OSBPL3: variants seen among roughly 807,000 people sequenced by gnomAD.
The protein encoded by OSBPL3 is oxysterol binding protein like 3.
In OSBPL3, 65 loss-of-function variants were observed where a neutral mutation model predicts 120.1. The observed-to-expected ratio is 0.54, with a 90% CI of 0.44 to 0.67. The LOEUF (loss-of-function observed/expected upper bound fraction) is 0.67. OSBPL3 is among the 30% of genes least tolerant of loss of function. OSBPL3 has a pLI of 0.00. For missense variants in OSBPL3, 1,004 were observed against 1,082.1 expected, an observed-to-expected ratio of 0.93 and a Z score of 1.01; for synonymous variants, 416 against 402.6, an observed-to-expected ratio of 1.03 and a Z score of -0.40.
chr7:24,809,732 T>A, intron 20 of OSBPL3, 75 bp downstream of exon 20: 1 of 1,405,264 alleles, frequency 7.1e-7, no homozygotes, highest in Non-Finnish European at 1.0e-6. Context: ...ACTACTCCTG[T>A]CCTCTGTGGC....
chr7:24,976,417 G>A (rs1817595808), intron 1 of OSBPL3, among the ~76,000 whole-genome samples: 1 of 152,152 alleles, frequency 6.6e-6, no homozygotes, highest in African/African-American at 2.4e-5. Flanking sequence ...AGGACAGAGT[G>A]CATAAGTCCC....
intron 2 of OSBPL3, among the ~76,000 whole-genome samples, chr7:24,887,320 T>G (rs1804671457): frequency 6.6e-6 from 1 of 152,316 alleles, no homozygotes; most frequent in East Asian, 1.9e-4. Context: ...GATTCCTCTA[T>G]GGTGAAGACA....
In OSBPL3 at chr7:24,872,485, G is replaced by T. The variant is rs1377956313; in HGVS notation, c.97-416C>A. Among the ~76,000 whole-genome samples the T allele has an allele frequency of 6.6e-6, 1 of 150,446 alleles. No individual in the cohort carries two copies. Among genetic ancestry groups the T allele is most frequent in the Admixed American group, 6.6e-5 (1 of 15,040 alleles). On this transcript the variant is annotated intron_variant, in intron 2 of 22. Transcript: ENST00000313367. This position sits in a 1 kb window ranked among gnomAD's most constrained non-coding sequence, Gnocchi z 4.1. ...TGTGTGTGTGTGTGTGTGTGTGTGT[G>T]TGGTGTTGGGGGAAGGAAGTTGGTT...
In OSBPL3 at chr7:24,809,836, C is replaced by G; in HGVS notation, c.2288G>C (p.Gly763Ala). ...KWHESIYCGGGSSSACVWRAN... is the reference protein window; with the variant it reads ...KWHESIYCGGASSSACVWRAN... Reference sequence around the variant, plus strand: ...TCTCCATACACAGGCAGAAGAGGAGCCGCCGCCACAGTAGATGCTTTCATG... The same window carrying G: ...TCTCCATACACAGGCAGAAGAGGAGGCGCCGCCACAGTAGATGCTTTCATG... Residue 763 changes from glycine (G) to alanine (A), a missense_variant, in exon 20 of 23, where the codon GGC (glycine) becomes GCC (alanine). Physicochemically the swap from Gly to Ala is moderately conservative, Grantham distance 60 (BLOSUM62 0). Around this residue, in one of 4 missense-constraint regions of OSBPL3, gnomAD observed 473 missense variants for 568.0 expected, o/e 0.83. Transcript: ENST00000313367. 1 of 1,614,146 alleles carries G rather than the reference C, an allele frequency of 6.2e-7. No homozygotes were observed. The highest frequency in any genetic ancestry group is 8.5e-7 in the Non-Finnish European group (1 of 1,180,000).
At chr7:24,825,524 T>C (rs1402024316) in intron 16 of OSBPL3, among the ~76,000 whole-genome samples, 1 of 152,220 alleles carries the variant, frequency 6.6e-6, no homozygotes, top group Non-Finnish European at 1.5e-5. Context: ...GACCTAGAAA[T>C]GGAGAAAACC....
rs893350232 is a variant in OSBPL3, at chr7:24,818,069, G to A, written c.1949-1381C>T. On this transcript the variant is annotated intron_variant, in intron 17 of 22. Transcript: ENST00000313367. The surrounding 1 kb of genome is among the most constrained non-coding windows in gnomAD (Gnocchi z 4.0). Reference sequence around the variant, plus strand: ...GGTCTGGGACCAGCGAGCACAGTGGGCCTCATATTGTTTAATCCTATTTAT... The same window carrying A: ...GGTCTGGGACCAGCGAGCACAGTGGACCTCATATTGTTTAATCCTATTTAT... Among the ~76,000 whole-genome samples, 1 of 152,156 alleles carries A rather than the reference G, an allele frequency of 6.6e-6. No homozygotes were observed. The highest frequency in any genetic ancestry group is 1.5e-5 in the Non-Finnish European group (1 of 68,036).
In OSBPL3 at chr7:24,834,513, C is replaced by T. The variant is rs775214065; in HGVS notation, c.1719G>A (p.Ala573=). The change falls in exon 15 of 23, where the codon GCG becomes GCA. Residue 573 remains alanine, a synonymous_variant. Coordinates refer to ENST00000313367, the MANE Select transcript of OSBPL3 (RefSeq NM_015550.4). This position sits in a 1 kb window ranked among gnomAD's most constrained non-coding sequence, Gnocchi z 5.2. ...TCCTTTCCAGGGGGCTGGGAATCTG[C>T]GCGGCCTTGTCCAGGAGCTCGCTGT... ...LEYSELLDKA[A]QIPSPLERMV... is the part of the protein sequence containing the mutation. 26 of 1,612,808 alleles carry T rather than the reference C, an allele frequency of 1.6e-5. No individual in the cohort carries two copies. The highest frequency in any genetic ancestry group is 2.0e-5 in the Non-Finnish European group (24 of 1,179,342).
rs1413440632 is a variant in OSBPL3 at position 24,932,902 on chromosome 7, G to A, written c.-149-40281C>T. 6.6e-6 allele frequency among the ~76,000 whole-genome samples: 1 copy of A among 152,168 alleles called. No homozygotes were observed. The highest frequency in any genetic ancestry group is 1.5e-5 in the Non-Finnish European group (1 of 68,032). ...AACAAAAACTTTCAAGACTCCAACT[G>A]GTCCCCGGGGACAGACCCCCACTGT... On this transcript the variant is annotated intron_variant, in intron 1 of 22. Coordinates refer to ENST00000313367, the MANE Select transcript of OSBPL3 (RefSeq NM_015550.4). The surrounding 1 kb of genome is among the most constrained non-coding windows in gnomAD (Gnocchi z 5.6).
intron 1 of OSBPL3, 36 bp downstream of exon 1, chr7:24,979,834 GCCAGGCCCCCCGACAC>G (rs60896412): frequency 5.5e-6 from 4 of 723,640 alleles, no homozygotes; most frequent in Non-Finnish European, 6.7e-6. Flanking sequence ...CCGCGCCGCC[GCCAGGCCCCCCGACAC>G]CCAGGCCCCA....
rs928660359 is a variant in OSBPL3 at position 24,940,883 on chromosome 7, G to A, written c.-150+39003C>T. Among the ~76,000 whole-genome samples, 84 of 151,212 alleles carry A rather than the reference G, an allele frequency of 5.6e-4. No individual in the cohort carries two copies. The highest frequency in any genetic ancestry group is 3.8e-4 in the Non-Finnish European group (26 of 67,886). ...CGCCCAGGCTGGAGTGCACTGGCGCGATCTCGGCTCACTGCAAGCTCTGCC... is the reference window on the plus strand; with the variant it reads ...CGCCCAGGCTGGAGTGCACTGGCGCAATCTCGGCTCACTGCAAGCTCTGCC... On this transcript the variant is annotated intron_variant, in intron 1 of 22. Coordinates refer to ENST00000313367, the MANE Select transcript of OSBPL3 (RefSeq NM_015550.4). The surrounding 1 kb of genome is among the most constrained non-coding windows in gnomAD (Gnocchi z 4.4).
chr7:24,858,171 T>A (rs1800062259), intron 10 of OSBPL3, among the ~76,000 whole-genome samples: 1 of 152,240 alleles, frequency 6.6e-6, no homozygotes, highest in Non-Finnish European at 1.5e-5. Context: ...GGGTGTATTT[T>A]GGTTCCCTAC....
In OSBPL3 at chr7:24,872,491, T is replaced by TGGTGC. The variant is rs1195524489; in HGVS notation, c.97-423_97-422insGCACC. ...TGTGTGTGTGTGTGTGTGTGTGGTGTTGGGGGAAGGAAGTTGGTTTAAGAA... is the reference window on the plus strand; with the variant it reads ...TGTGTGTGTGTGTGTGTGTGTGGTGTGGTGCTGGGGGAAGGAAGTTGGTTTAAGAA... On this transcript the variant is annotated intron_variant, in intron 2 of 22. Transcript: ENST00000313367. This position sits in a 1 kb window ranked among gnomAD's most constrained non-coding sequence, Gnocchi z 4.1. 2.0e-5 allele frequency among the ~76,000 whole-genome samples: 2 copies of TGGTGC among 99,584 alleles called. No homozygotes were observed. Among genetic ancestry groups the TGGTGC allele is most frequent in the African/African-American group, 7.8e-5 (2 of 25,548 alleles). The allele number at this position is 99,584 out of a possible 152,430, so 65.3% of individuals were successfully genotyped here.
intron 1 of OSBPL3, among the ~76,000 whole-genome samples, chr7:24,904,070 A>G (rs1807478182): frequency 6.6e-6 from 1 of 151,812 alleles, no homozygotes; most frequent in Non-Finnish European, 1.5e-5. Context: ...TTTAGTAGAG[A>G]TGGGGTTTCA....
chr7:24,919,713 A>T (rs189887652), intron 1 of OSBPL3, among the ~76,000 whole-genome samples: 461 of 151,972 alleles, frequency 3.0e-3, no homozygotes, highest in African/African-American at 0.011. Context: ...CAATATCAAG[A>T]AAATAAAAAG....
In OSBPL3 at chr7:24,930,333, T is replaced by C. The variant is rs1350733523; in HGVS notation, c.-149-37712A>G. 6.6e-6 allele frequency among the ~76,000 whole-genome samples: 1 copy of C among 152,242 alleles called. No individual in the cohort carries two copies. Among genetic ancestry groups the C allele is most frequent in the Non-Finnish European group, 1.5e-5 (1 of 68,048 alleles). On this transcript the variant is annotated intron_variant, in intron 1 of 22. Transcript: ENST00000313367. The surrounding 1 kb of genome is among the most constrained non-coding windows in gnomAD (Gnocchi z 4.4). ...ATACATGGGAAAAACTCAACACTTT[T>C]TGTTGTCAATTCCTGTCTAAACAAA...
chr7:24,916,163 A>C lies in OSBPL3; in HGVS notation c.-149-23542T>G, dbSNP rs576167179. ...CTCTCTTCTGAACCTAAGAGAACAA[A>C]TACTCTTATGCTACAGAATTACTTT... On this transcript the variant is annotated intron_variant, in intron 1 of 22. Transcript: ENST00000313367. This position sits in a 1 kb window ranked among gnomAD's most constrained non-coding sequence, Gnocchi z 4.9. 3.6e-4 allele frequency among the ~76,000 whole-genome samples: 55 copies of C among 152,272 alleles called. No individual in the cohort carries two copies. The highest frequency in any genetic ancestry group is 6.8e-3 in the Middle Eastern group (2 of 292).
rs146993839 is a variant in OSBPL3, at chr7:24,895,630, C to T, written c.-149-3009G>A. On this transcript the variant is annotated intron_variant, in intron 1 of 22. Coordinates refer to ENST00000313367, the MANE Select transcript of OSBPL3 (RefSeq NM_015550.4). ...TGGATGGAGGCAACTACTGTGTCCA[C>T]TCTAGGGGACACCACAGGGATGGGC... Among the ~76,000 whole-genome samples, 1,306 of 152,256 alleles carry T rather than the reference C, an allele frequency of 8.6e-3. 28 individuals are homozygous for T. Among genetic ancestry groups the T allele is most frequent in the African/African-American group, 0.029 (1,215 of 41,540 alleles).
Position 24,939,822 on chromosome 7 carries a change from A to G in OSBPL3, c.-150+40064T>C, listed in dbSNP as rs1812870907. On this transcript the variant is annotated intron_variant, in intron 1 of 22. Transcript: ENST00000313367. The surrounding 1 kb of genome is among the most constrained non-coding windows in gnomAD (Gnocchi z 4.2). ...GGGAAAAAATCAGTAACAGGGGGCT[A>G]TAACTAAAGTTAGGAGGGTGGGAGG... Among the ~76,000 whole-genome samples, 1 of 152,176 alleles carries G rather than the reference A, an allele frequency of 6.6e-6. No homozygotes were observed. Among genetic ancestry groups the G allele is most frequent in the Non-Finnish European group, 1.5e-5 (1 of 68,028 alleles).
chr7:24,967,836 T>C lies in OSBPL3; in HGVS notation c.-150+12050A>G, dbSNP rs1286556643. 6.6e-6 allele frequency among the ~76,000 whole-genome samples: 1 copy of C among 152,182 alleles called. No individual in the cohort carries two copies. Among genetic ancestry groups the C allele is most frequent in the Non-Finnish European group, 1.5e-5 (1 of 68,036 alleles). ...AACTGATCAACAGCTCTGCCCTCTC[T>C]CTTGCACTGTTGCTGGACATGTCTG... On this transcript the variant is annotated intron_variant, in intron 1 of 22. Coordinates refer to ENST00000313367, the MANE Select transcript of OSBPL3 (RefSeq NM_015550.4). This position sits in a 1 kb window ranked among gnomAD's most constrained non-coding sequence, Gnocchi z 5.6.
Sources: gnomAD v4.1 joint callset for allele counts (sites outside exome capture counted in the v4.1 genomes callset) on GRCh38, gnomAD v4.1.1 for gene constraint, gnomAD v4.1.1 regional missense constraint, Gnocchi (gnomAD v3.1) non-coding constraint, MANE v1.5 for transcripts, NCBI Gene and HGNC (gene_info 2026-07-23, HGNC 2026-07-21) for gene names.